XPO6: variants seen among roughly 807,000 people sequenced by gnomAD.
The protein encoded by XPO6 is exportin 6, also known as exportin-6.
Under a neutral mutation model 130.0 loss-of-function variants are expected in XPO6, and 3 were observed. The ratio of observed to expected loss-of-function variants is 0.02; its 90% CI spans 0.01 to 0.06. The LOEUF is 0.06. Ranked by LOEUF, XPO6 falls within the 10% of genes least tolerant of loss-of-function variation. XPO6 has a pLI of 1.00. For synonymous variants in XPO6, 524 were observed against 548.9 expected, an observed-to-expected ratio of 0.95 and a Z score of 0.63; for missense variants, 970 against 1,393.0, an observed-to-expected ratio of 0.70 and a Z score of 4.83.
At chr16:28,140,851 TA>T (rs2042878249) in intron 9 of XPO6, among the ~76,000 whole-genome samples, 1 of 151,708 alleles carries the variant, frequency 6.6e-6, no homozygotes, top group Non-Finnish European at 1.5e-5. Context: ...CTCAATAAAA[TA>T]TATATGAATA....
intron 9 of XPO6, among the ~76,000 whole-genome samples, chr16:28,142,759 CAG>C (rs1277038576): frequency 6.6e-6 from 1 of 152,126 alleles, no homozygotes. Flanking sequence ...TTTGTACAGA[CAG>C]AGTCTTGCTA....
At chr16:28,099,558 T>C (rs1261060105) in intron 23 of XPO6, among the ~76,000 whole-genome samples, 1 of 152,240 alleles carries the variant, frequency 6.6e-6, no homozygotes, top group East Asian at 1.9e-4. Flanking sequence ...TGCCTCCTGC[T>C]TCGCAGCTCT....
At chr16:28,193,790 G>A (rs900408302) in intron 1 of XPO6, among the ~76,000 whole-genome samples, 8 of 152,200 alleles carry the variant, frequency 5.3e-5, no homozygotes, top group South Asian at 4.1e-4. Flanking sequence ...CGCATCACCC[G>A]TCCCACGATT....
At chr16:28,195,624 G>T (rs548876989) in intron 1 of XPO6, among the ~76,000 whole-genome samples, 77 of 152,288 alleles carry the variant, frequency 5.1e-4, no homozygotes, top group Non-Finnish European at 1.0e-3. Flanking sequence ...GTGGTGGCGT[G>T]AGCCTGTAGT....
At chr16:28,174,553 G>A (rs192846740) in intron 4 of XPO6, among the ~76,000 whole-genome samples, 11 of 152,224 alleles carry the variant, frequency 7.2e-5, no homozygotes, top group Middle Eastern at 6.8e-3. Context: ...CTTGAATAAA[G>A]GCATGAATCT....
intron 1 of XPO6, among the ~76,000 whole-genome samples, chr16:28,182,977 G>C (rs2043641939): frequency 1.3e-5 from 2 of 152,128 alleles, no homozygotes; most frequent in African/African-American, 4.8e-5. Context: ...TAAATCAATA[G>C]TTCTTCTGGA....
intron 1 of XPO6, among the ~76,000 whole-genome samples, chr16:28,207,260 GGAAA>G (rs954149866): frequency 1.1e-4 from 15 of 132,990 alleles, no homozygotes; most frequent in African/African-American, 1.6e-4. Flanking sequence ...AAAAAAAAAA[GGAAA>G]GAAAGAAAGA....
At chr16:28,126,108 G>A (rs1029059376) in intron 12 of XPO6, among the ~76,000 whole-genome samples, 1 of 152,190 alleles carries the variant, frequency 6.6e-6, no homozygotes, top group African/African-American at 2.4e-5. Context: ...GTGTGCTAAC[G>A]TGGAGGGAGC....
chr16:28,115,111 G>C (rs1596801888), intron 15 of XPO6, among the ~76,000 whole-genome samples: 1 of 152,214 alleles, frequency 6.6e-6, no homozygotes, highest in Non-Finnish European at 1.5e-5. Flanking sequence ...ATGAGGCTGG[G>C]AACCAACTTC....
At chr16:28,112,076 G>T in intron 16 of XPO6, 70 bp from the exon 17 acceptor site, 1 of 1,509,510 alleles carries the variant, frequency 6.6e-7, no homozygotes, top group South Asian at 1.2e-5. Context: ...GCCCAACACA[G>T]CCTTCAGCAC....
At chr16:28,177,377 G>T in intron 2 of XPO6, 45 bp from the exon 3 acceptor site, 2 of 1,177,876 alleles carry the variant, frequency 1.7e-6, no homozygotes, top group South Asian at 1.3e-5. Context: ...GAAAATACAT[G>T]AAATTAGACA....
intron 1 of XPO6, among the ~76,000 whole-genome samples, chr16:28,207,735 C>T (rs893447665): frequency 6.6e-6 from 1 of 152,230 alleles, no homozygotes; most frequent in Non-Finnish European, 1.5e-5. Flanking sequence ...TAAATGCCAA[C>T]TCCACCACTT....
intron 12 of XPO6, among the ~76,000 whole-genome samples, chr16:28,130,285 C>T (rs925445917): frequency 2.0e-5 from 3 of 152,206 alleles, no homozygotes; most frequent in African/African-American, 4.8e-5. Context: ...GCGGCTGGCG[C>T]CCATTTACAC....
chr16:28,114,799 G>A (rs1374316830), intron 15 of XPO6, among the ~76,000 whole-genome samples: 1 of 152,202 alleles, frequency 6.6e-6, no homozygotes, highest in Non-Finnish European at 1.5e-5. Context: ...GCCCACAGTA[G>A]AACTTCTTTC....
chr16:28,176,363 T>C (rs1237581658), intron 3 of XPO6, among the ~76,000 whole-genome samples: 1 of 152,182 alleles, frequency 6.6e-6, no homozygotes, highest in Non-Finnish European at 1.5e-5. Flanking sequence ...CACCAAAATA[T>C]AATGACAGAA....
chr16:28,117,967 A>C (rs2087112069), intron 14 of XPO6, among the ~76,000 whole-genome samples: 1 of 152,252 alleles, frequency 6.6e-6, no homozygotes, highest in Non-Finnish European at 1.5e-5. Flanking sequence ...GTTTGGTTTC[A>C]GCAAAGGCTG....
chr16:28,153,817 G>C (rs2043136979), intron 7 of XPO6: 1 of 985,220 alleles, frequency 1.0e-6, no homozygotes, highest in Non-Finnish European at 1.2e-6. Context: ...TTTCAAAACA[G>C]AGATATGTGA....
At chr16:28,193,613 G>A (rs554151271) in intron 1 of XPO6, among the ~76,000 whole-genome samples, 4 of 152,356 alleles carry the variant, frequency 2.6e-5, no homozygotes, top group African/African-American at 7.2e-5. Context: ...TGTGGTGGCA[G>A]TGAGCAGCAA....
Position 28,211,770 on chromosome 16 carries a change from A to T in XPO6, c.-402T>A, listed in dbSNP as rs1287740359. 3.3e-6 allele frequency: 1 copy of T among 307,094 alleles called. No homozygotes were observed. Among genetic ancestry groups the T allele is most frequent in the Non-Finnish European group, 5.9e-6 (1 of 168,166 alleles). The allele number at this position is 307,094 out of a possible 1,614,324, so 19.0% of individuals were successfully genotyped here. A position where few individuals can be genotyped will look rare whatever the true frequency, so the allele number is the denominator to read the frequency against. On this transcript the variant is annotated 5_prime_UTR_variant, in exon 1 of 24. Transcript: ENST00000304658. ...CCCGGCCCCGAGGCTGAACGGGCGGAGGCTGACAGGCCTCGACCGCGCGGC... is the reference window on the plus strand; with the variant it reads ...CCCGGCCCCGAGGCTGAACGGGCGGTGGCTGACAGGCCTCGACCGCGCGGC...
Sources: allele counts gnomAD v4.1 joint callset (sites outside exome capture counted in the v4.1 genomes callset), GRCh38; gene constraint gnomAD v4.1.1; transcripts MANE v1.5; gene names NCBI Gene and HGNC (gene_info 2026-07-23, HGNC 2026-07-21).